TLN2: variants seen among roughly 807,000 people sequenced by gnomAD.
TLN2 encodes talin 2, also known as talin-2.
TLN2 carries 118 observed loss-of-function variants against 294.7 expected under a neutral mutation model. The observed-to-expected ratio is 0.40, with a 90% CI of 0.34 to 0.47. The LOEUF (loss-of-function observed/expected upper bound fraction) is 0.47. Ranked by LOEUF, TLN2 falls within the 20% of genes least tolerant of loss-of-function variation. The pLI, the probability that TLN2 is intolerant of heterozygous loss-of-function variation, is 0.84. For synonymous variants in TLN2, 1,431 were observed against 1,304.5 expected (o/e 1.10, Z -2.09); for missense variants, 3,083 against 3,282.2 (o/e 0.94, Z 1.48).
At chr15:62,566,419 G>A (rs1567110698) in intron 1 of TLN2, among the ~76,000 whole-genome samples, 1 of 152,060 alleles carries the variant, frequency 6.6e-6, no homozygotes, top group South Asian at 2.1e-4. Context: ...GCACACCCAC[G>A]TGTGTAAGAA....
At chr15:62,624,195 G>A (rs1421695295) in intron 3 of TLN2, among the ~76,000 whole-genome samples, 1 of 152,194 alleles carries the variant, frequency 6.6e-6, no homozygotes, top group African/African-American at 2.4e-5. Flanking sequence ...GAAGATCCAT[G>A]CTGTTTGGCT....
chr15:62,764,383 T>C (rs543396960), intron 40 of TLN2, among the ~76,000 whole-genome samples: 37 of 152,336 alleles, frequency 2.4e-4, no homozygotes, highest in Admixed American at 1.6e-3. Flanking sequence ...GGTCTGTTTA[T>C]TGATGTTTAT....
intron 1 of TLN2, among the ~76,000 whole-genome samples, chr15:62,543,925 T>C (rs2041846299): frequency 6.6e-6 from 1 of 151,984 alleles, no homozygotes; most frequent in South Asian, 2.1e-4. Context: ...AATAGTAAGC[T>C]GAAAACCCAG....
At chr15:62,682,770 C>A (rs1048118179) in intron 11 of TLN2, 1 of 152,136 alleles carries the variant, frequency 6.6e-6, no homozygotes, top group African/African-American at 2.4e-5. Context: ...TTTCCCATGA[C>A]CAGCATAAAA....
Position 62,647,302 on chromosome 15 carries a change from T to G in TLN2, c.-9T>G. 6.2e-7 allele frequency: 1 copy of G among 1,613,890 alleles called. No homozygotes were observed. On this transcript the variant is annotated 5_prime_UTR_variant, in exon 4 of 59. Coordinates refer to ENST00000636159, the MANE Select transcript of TLN2 (RefSeq NM_015059.3). Reference sequence around the variant, plus strand: ...ATTCTAAGTGAGACTGTCCACATCATCTAGGAAAATGGTGGCCCTGTCCTT... The same window carrying G: ...ATTCTAAGTGAGACTGTCCACATCAGCTAGGAAAATGGTGGCCCTGTCCTT...
intron 3 of TLN2, among the ~76,000 whole-genome samples, chr15:62,623,671 C>G (rs1035369165): frequency 2.0e-5 from 3 of 152,194 alleles, no homozygotes; most frequent in African/African-American, 7.2e-5. Context: ...TCAAAACATA[C>G]ATTTCCTTCT....
At position 62,638,983 on chromosome 15, in the gene TLN2, C is replaced by G. The variant is rs138523999; in HGVS notation, c.-36-8292C>G. Among the ~76,000 whole-genome samples the G allele has an allele frequency of 5.5e-4, 83 of 152,244 alleles. 1 individual carries two copies. The highest frequency in any genetic ancestry group is 2.0e-3 in the African/African-American group (81 of 41,532). ...GCTTGGTCTGCTGGATGTTGGCCCT[C>G]TGTTCATCCTTTAGTTGGGATATTA... On this transcript the variant is annotated intron_variant, in intron 3 of 58. Coordinates refer to ENST00000636159, the MANE Select transcript of TLN2 (RefSeq NM_015059.3).
chr15:62,401,937 C>T (rs182467421), intron 1 of TLN2, among the ~76,000 whole-genome samples: 106 of 152,274 alleles, frequency 7.0e-4, no homozygotes, highest in Non-Finnish European at 7.2e-4. Flanking sequence ...AGAAGAGATG[C>T]TATTGACATT....
chr15:62,775,585 A>T (rs1402903644), intron 42 of TLN2, among the ~76,000 whole-genome samples: 1 of 152,186 alleles, frequency 6.6e-6, no homozygotes, highest in Non-Finnish European at 1.5e-5. Context: ...TGGCTTTTCA[A>T]TTCAGACATG....
At chr15:62,750,170 T>A (rs1235877288) in intron 33 of TLN2, among the ~76,000 whole-genome samples, 1 of 152,210 alleles carries the variant, frequency 6.6e-6, no homozygotes, top group Non-Finnish European at 1.5e-5. Context: ...AACAAGAGAT[T>A]CTCATCTCTG....
intron 1 of TLN2, among the ~76,000 whole-genome samples, chr15:62,511,027 G>A (rs1284235729): frequency 6.6e-6 from 1 of 152,166 alleles, no homozygotes; most frequent in Non-Finnish European, 1.5e-5. Flanking sequence ...ATTTTGTGCT[G>A]TTCATATCTC....
intron 12 of TLN2, among the ~76,000 whole-genome samples, chr15:62,690,707 C>T (rs2057794981): frequency 6.7e-6 from 1 of 149,208 alleles, no homozygotes; most frequent in South Asian, 2.1e-4. Flanking sequence ...CGCCACTGCA[C>T]TCCAGCCTCG....
intron 48 of TLN2, among the ~76,000 whole-genome samples, chr15:62,799,504 G>A (rs905032979): frequency 1.6e-4 from 25 of 152,256 alleles, no homozygotes; most frequent in African/African-American, 5.8e-4. Context: ...AGCAAACACA[G>A]ATAATGCATC....
intron 1 of TLN2, among the ~76,000 whole-genome samples, chr15:62,442,832 A>C (rs2035624229): frequency 6.6e-6 from 1 of 152,348 alleles, no homozygotes; most frequent in Non-Finnish European, 1.5e-5. Flanking sequence ...TCAAGGTGTC[A>C]GCAGGGCTGT....
intron 1 of TLN2, among the ~76,000 whole-genome samples, chr15:62,507,419 T>A (rs567093481): frequency 6.6e-6 from 1 of 152,268 alleles, no homozygotes; most frequent in East Asian, 1.9e-4. Context: ...AGTAGGGATG[T>A]TTATACAGTG....
intron 1 of TLN2, among the ~76,000 whole-genome samples, chr15:62,555,963 AG>A (rs2042582125): frequency 7.0e-6 from 1 of 142,294 alleles, no homozygotes. Flanking sequence ...GTCATCCTAA[AG>A]GTTTTTCTCT....
At chr15:62,750,173 C>A (rs1198622775) in intron 33 of TLN2, among the ~76,000 whole-genome samples, 2 of 152,188 alleles carry the variant, frequency 1.3e-5, no homozygotes, top group Non-Finnish European at 1.5e-5. Flanking sequence ...AAGAGATTCT[C>A]ATCTCTGGCC....
At chr15:62,405,585 A>C (rs1300277455) in intron 1 of TLN2, among the ~76,000 whole-genome samples, 1 of 152,178 alleles carries the variant, frequency 6.6e-6, no homozygotes, top group South Asian at 2.1e-4. Context: ...CTTAGGTGAG[A>C]ATGAAAGCTG....
intron 2 of TLN2, among the ~76,000 whole-genome samples, chr15:62,605,711 G>A (rs897080998): frequency 6.6e-6 from 1 of 152,184 alleles, no homozygotes; most frequent in African/African-American, 2.4e-5. Context: ...TTGTGACTCG[G>A]TTGAACACCA....
Sources: gnomAD v4.1 joint callset for allele counts (sites outside exome capture counted in the v4.1 genomes callset) on GRCh38, gnomAD v4.1.1 for gene constraint, MANE v1.5 for transcripts, NCBI Gene and HGNC (gene_info 2026-07-23, HGNC 2026-07-21) for gene names.